Variants in ANXA11 observed in about 807,000 individuals in gnomAD.
ANXA11 encodes 56 kDa autoantigen.
In ANXA11, 57 loss-of-function variants were observed where a neutral mutation model predicts 64.7. The ratio of observed to expected loss-of-function variants is 0.88; its 90% CI spans 0.71 to 1.10. The LOEUF (loss-of-function observed/expected upper bound fraction) is 1.10, where lower values mean the gene tolerates loss of function less well. ANXA11 is among the 50% of genes least tolerant of loss of function. ANXA11 has a pLI of 0.00. For missense variants in ANXA11, 675 were observed against 670.7 expected, an observed-to-expected ratio of 1.01 and a Z score of -0.07; for synonymous variants, 260 against 265.2, an observed-to-expected ratio of 0.98 and a Z score of 0.19.
intron 9 of ANXA11, 106 bp from the exon 10 acceptor site, chr10:80,163,719 C>A: frequency 9.3e-7 from 1 of 1,070,632 alleles, no homozygotes; most frequent in South Asian, 1.4e-5. Context: ...GGCTGGAGGT[C>A]TTGGCTCGGG....
chr10:80,174,981 G>A (rs566885601), intron 2 of ANXA11, among the ~76,000 whole-genome samples: 52 of 152,322 alleles, frequency 3.4e-4, no homozygotes, highest in African/African-American at 1.1e-3. Context: ...AGAGGTGACC[G>A]TAGGCAAAGC....
intron 3 of ANXA11, chr10:80,171,303 C>T (rs1231750006): frequency 9.8e-7 from 1 of 1,024,672 alleles, no homozygotes; most frequent in South Asian, 3.2e-5. Flanking sequence ...CCATAGGGAG[C>T]TCTGAGATTT....
At chr10:80,169,920 C>G (rs1191215438) in intron 4 of ANXA11, among the ~76,000 whole-genome samples, 1 of 152,170 alleles carries the variant, frequency 6.6e-6, no homozygotes, top group Non-Finnish European at 1.5e-5. Context: ...CCTCACACCC[C>G]TTGGCACCTC....
At chr10:80,163,322 G>T in intron 11 of ANXA11, 27 bp downstream of exon 11, 1 of 1,612,328 alleles carries the variant, frequency 6.2e-7, no homozygotes, top group Non-Finnish European at 8.5e-7. Context: ...GCTTTAGGAA[G>T]TCCAGGGGCT....
intron 15 of ANXA11, chr10:80,156,515 A>G: frequency 4.5e-5 from 20 of 446,998 alleles, no homozygotes; most frequent in South Asian, 2.2e-4. Context: ...TGAATTATTA[A>G]CTCTCTTTTT....
intron 2 of ANXA11, among the ~76,000 whole-genome samples, 185 bp downstream of exon 2, chr10:80,175,922 T>C (rs995057435): frequency 2.0e-5 from 3 of 151,914 alleles, no homozygotes; most frequent in African/African-American, 4.8e-5. Flanking sequence ...GGCGTGGTGG[T>C]GGGTGCCTGT....
Position 80,166,882 on chromosome 10 carries a change from C to CA in ANXA11, c.744+7dup. 6.3e-7 allele frequency: 1 copy of CA among 1,598,920 alleles called. No individual in the cohort carries two copies. The highest frequency in any genetic ancestry group is 8.5e-7 in the Non-Finnish European group (1 of 1,174,016). ...CTCACTGTCCCGCGCCCCCACCCCGCAGCTCGCCTTGCCGTAAGCCGTCTT... is the reference window on the plus strand; with the variant it reads ...CTCACTGTCCCGCGCCCCCACCCCGCAAGCTCGCCTTGCCGTAAGCCGTCTT... On this transcript the variant is annotated splice_region_variant and intron_variant, in intron 7 of 15. Transcript: ENST00000422982.
At chr10:80,158,569 G>A (rs1353216663) in intron 13 of ANXA11, among the ~76,000 whole-genome samples, 1 of 152,226 alleles carries the variant, frequency 6.6e-6, no homozygotes. Flanking sequence ...TGAGTAGAAA[G>A]AGGGGTTGTG....
At position 80,153,995 on chromosome 10, in the gene ANXA11, T is replaced by C. The variant is rs1414644920; in HGVS notation, c.*1858A>G. ...CTCTGTTGTCCAGGCTGGAGTGCAG[T>C]GGTGTAATCACAGCTTACTACGGCC... On this transcript the variant is annotated 3_prime_UTR_variant, in exon 16 of 16. Transcript: ENST00000422982. The C allele has an allele frequency of 2.6e-5, 4 of 152,234 alleles. No homozygotes were observed. Among genetic ancestry groups the C allele is most frequent in the Non-Finnish European group, 5.9e-5 (4 of 68,094 alleles). 9.4% of individuals were successfully genotyped at this position (152,234 alleles called of 1,614,324 possible).
intron 4 of ANXA11, 42 bp downstream of exon 4, chr10:80,170,757 AG>A: frequency 1.4e-6 from 2 of 1,397,948 alleles, no homozygotes; most frequent in Non-Finnish European, 1.9e-6. Flanking sequence ...CTGGCCACGC[AG>A]GTGTGGCCCC....
rs35014047 is a variant in ANXA11, at chr10:80,152,641, A to C, written c.*3212T>G. On this transcript the variant is annotated 3_prime_UTR_variant, in exon 16 of 16. Coordinates refer to ENST00000422982, the MANE Select transcript of ANXA11 (RefSeq NM_145868.2). ...TAAAATGTAGTTTTATTCAGCAGCT[A>C]TCTCATCAGCAGCTCTCACACTGTC... is the stretch of plus-strand genomic sequence containing the variant. 0.097 allele frequency: 14,794 copies of C among 152,308 alleles called. 916 individuals carry two copies. The highest frequency in any genetic ancestry group is 0.24 in the South Asian group (1,153 of 4,822). The allele number at this position is 152,308 out of a possible 1,614,324, so 9.4% of individuals were successfully genotyped here.
chr10:80,155,871 G>A lies in ANXA11; in HGVS notation c.1500C>T (p.Ile500=), dbSNP rs772154973. 1 of 1,614,236 alleles carries A rather than the reference G, an allele frequency of 6.2e-7. No individual in the cohort carries two copies. The change falls in exon 16 of 16, where the codon ATC becomes ATT. Residue 500 remains isoleucine (I), a synonymous_variant. Coordinates refer to ENST00000422982, the MANE Select transcript of ANXA11 (RefSeq NM_145868.2). ...TCACTGTTCAGTCATTGCCACCACA[G>A]ATCTTCAGCAGAATCTTCCGGTAAT... The part of the protein sequence containing the change: ...SGDYRKILLK[I]CGGND
chr10:80,169,417 A>G (rs1845888457), intron 4 of ANXA11, 59 bp from the exon 5 acceptor site: 1 of 1,580,758 alleles, frequency 6.3e-7, no homozygotes, highest in African/African-American at 1.3e-5. Context: ...CCGTCCCTCC[A>G]CCCTTTTTCA....
chr10:80,170,701 C>A (rs548471075), intron 4 of ANXA11, 99 bp downstream of exon 4: 2 of 953,904 alleles, frequency 2.1e-6, no homozygotes, highest in South Asian at 2.2e-5. Flanking sequence ...CAGCAACACA[C>A]ACATAGACAA....
intron 1 of ANXA11, among the ~76,000 whole-genome samples, chr10:80,190,104 G>T (rs747871005): frequency 6.6e-6 from 1 of 152,220 alleles, no homozygotes; most frequent in Non-Finnish European, 1.5e-5. Context: ...GTTGGCCAGG[G>T]CTCAGGTAAG....
Position 80,164,149 on chromosome 10 carries a change from G to A in ANXA11, c.859-6C>T, listed in dbSNP as rs1234339205. 1 of 1,612,806 alleles carries A rather than the reference G, an allele frequency of 6.2e-7. No homozygotes were observed. The highest frequency in any genetic ancestry group is 2.2e-5 in the East Asian group (1 of 44,868). On this transcript the variant is annotated splice_polypyrimidine_tract_variant and splice_region_variant and intron_variant, in intron 8 of 15. Coordinates refer to ENST00000422982, the MANE Select transcript of ANXA11 (RefSeq NM_145868.2). ...GCTTCATCAGTGCCAACCCCCTGCA[G>A]GGGCAGAGAATACAACCAACCATGT...
rs115433220 is a variant in ANXA11, at chr10:80,189,505, C to T, written c.-57-13350G>A. Among the ~76,000 whole-genome samples the T allele has an allele frequency of 8.8e-3, 1,342 of 152,312 alleles. 21 individuals are homozygous for T. The highest frequency in any genetic ancestry group is 0.031 in the African/African-American group (1,276 of 41,564). ...AAAAATTAAACATAGAACTACCATA[C>T]GATCCAGCAATCTCACTCCTGGGCA... On this transcript the variant is annotated intron_variant, in intron 1 of 15. Transcript: ENST00000422982.
At chr10:80,166,322 G>A (rs1345641290) in intron 7 of ANXA11, 125 bp from the exon 8 acceptor site, 5 of 611,342 alleles carry the variant, frequency 8.2e-6, no homozygotes, top group Admixed American at 2.9e-5. Flanking sequence ...CATCCCCCAG[G>A]GGCCTGAGAG....
At chr10:80,156,344 G>T in intron 15 of ANXA11, 1 of 456,248 alleles carries the variant, frequency 2.2e-6, no homozygotes. Context: ...CAGGTCCCAG[G>T]GATCTCTCCT....
Sources: gnomAD v4.1 joint callset for allele counts (sites outside exome capture counted in the v4.1 genomes callset) on GRCh38, gnomAD v4.1.1 for gene constraint, MANE v1.5 for transcripts, NCBI Gene and HGNC (gene_info 2026-07-23, HGNC 2026-07-21) for gene names.